Variants in RBFOX1 observed in about 807,000 individuals in gnomAD.
RBFOX1 encodes RNA binding fox-1 homolog 1, also known as RNA binding protein fox-1 homolog 1.
In RBFOX1, 8 loss-of-function variants were observed where a neutral mutation model predicts 57.7. The observed-to-expected ratio is 0.14, with a 90% CI of 0.08 to 0.25. The LOEUF (loss-of-function observed/expected upper bound fraction) is 0.25, where lower values mean the gene tolerates loss of function less well. Ranked by LOEUF, RBFOX1 falls within the 10% of genes least tolerant of loss-of-function variation. The pLI is 1.00. For missense variants in RBFOX1, 611 were observed against 548.5 expected, an observed-to-expected ratio of 1.11 and a Z score of -1.14; for synonymous variants, 326 against 222.4, an observed-to-expected ratio of 1.47 and a Z score of -4.15.
intron 1 of RBFOX1, among the ~76,000 whole-genome samples, chr16:5,330,484 C>T (rs1024968102): frequency 6.6e-6 from 1 of 152,074 alleles, no homozygotes; most frequent in African/African-American, 2.4e-5. Flanking sequence ...CTCACTGCAT[C>T]CTCCGCCTCC....
chr16:7,067,225 A>G (rs1290023988), intron 4 of RBFOX1, among the ~76,000 whole-genome samples: 1 of 152,290 alleles, frequency 6.6e-6, no homozygotes, highest in East Asian at 1.9e-4. Flanking sequence ...GAGTTCTTCC[A>G]GGCAGCCGAA....
chr16:5,645,314 A>G (rs2151341915), intron 3 of RBFOX1, among the ~76,000 whole-genome samples: 1 of 152,212 alleles, frequency 6.6e-6, no homozygotes, highest in East Asian at 1.9e-4. Context: ...GCTGCACACA[A>G]AAGGCCACAT....
intron 3 of RBFOX1, among the ~76,000 whole-genome samples, chr16:7,014,294 T>TTAAC (rs1190338271): frequency 1.2e-4 from 19 of 152,038 alleles, no homozygotes; most frequent in African/African-American, 4.6e-4. Context: ...CTCACTACAA[T>TTAAC]GTTAGCCTCC....
intron 4 of RBFOX1, among the ~76,000 whole-genome samples, chr16:7,109,742 C>A (rs1420280725): frequency 6.6e-6 from 1 of 152,080 alleles, no homozygotes; most frequent in African/African-American, 2.4e-5. Flanking sequence ...CATTCCAGAT[C>A]CAAAAAATCG....
At chr16:7,130,093 C>T (rs1247756441) in intron 4 of RBFOX1, among the ~76,000 whole-genome samples, 7 of 146,402 alleles carry the variant, frequency 4.8e-5, no homozygotes, top group Non-Finnish European at 8.9e-5. Context: ...GGTGCAATGG[C>T]GAGATCTTGG....
At chr16:6,290,139 C>T (rs968791548) in intron 1 of RBFOX1, among the ~76,000 whole-genome samples, 1 of 146,640 alleles carries the variant, frequency 6.8e-6, no homozygotes, top group Admixed American at 6.9e-5. Context: ...TTAGAAACTA[C>T]CTTTTTTATG....
chr16:6,925,036 C>A (rs944672992), intron 3 of RBFOX1, among the ~76,000 whole-genome samples: 1 of 142,746 alleles, frequency 7.0e-6, no homozygotes, highest in Non-Finnish European at 1.5e-5. Flanking sequence ...TTTATGGCTG[C>A]ATAATATTCC....
intron 4 of RBFOX1, among the ~76,000 whole-genome samples, chr16:7,107,255 G>A (rs2063782411): frequency 6.6e-6 from 1 of 152,226 alleles, no homozygotes; most frequent in Admixed American, 6.5e-5. Context: ...AGCACACTGT[G>A]AGCTGGAGAG....
chr16:5,491,875 A>C (rs2042842862), intron 2 of RBFOX1, among the ~76,000 whole-genome samples: 1 of 152,250 alleles, frequency 6.6e-6, no homozygotes, highest in African/African-American at 2.4e-5. Flanking sequence ...AGGTAACAAC[A>C]GACAAACATA....
intron 3 of RBFOX1, among the ~76,000 whole-genome samples, chr16:7,042,752 TC>T (rs943747789): frequency 1.3e-5 from 2 of 151,956 alleles, no homozygotes; most frequent in African/African-American, 4.8e-5. Flanking sequence ...ATGGCAAAAC[TC>T]CATCTCTGCT....
At chr16:5,438,858 C>T (rs1013278840) in intron 1 of RBFOX1, among the ~76,000 whole-genome samples, 4 of 151,934 alleles carry the variant, frequency 2.6e-5, no homozygotes, top group South Asian at 2.1e-4. Context: ...CACCACGAGT[C>T]GAGTAGGAGG....
chr16:6,618,929 C>T (rs902107456), intron 2 of RBFOX1, among the ~76,000 whole-genome samples: 1 of 152,112 alleles, frequency 6.6e-6, no homozygotes, highest in Non-Finnish European at 1.5e-5. Flanking sequence ...AAAACAGAGT[C>T]ATAGGGTGAA....
intron 4 of RBFOX1, among the ~76,000 whole-genome samples, chr16:5,909,319 C>G (rs1384046665): frequency 6.6e-6 from 1 of 152,124 alleles, no homozygotes; most frequent in Non-Finnish European, 1.5e-5. Context: ...GTCTCGATCT[C>G]TGGACCTCAT....
chr16:7,636,743 G>C (rs1436246897), intron 11 of RBFOX1, among the ~76,000 whole-genome samples: 1 of 152,170 alleles, frequency 6.6e-6, no homozygotes, highest in African/African-American at 2.4e-5. Context: ...TCCAAGATCA[G>C]GGTGCCAAGA....
rs770368034 is a variant in RBFOX1 at position 6,544,577 on chromosome 16, G to A, written c.-63-110026G>A. ...TATTGTTTTCTCTTAGCATTCGATC[G>A]TATTGATTCAAATGCTGTTTTCATT... On this transcript the variant is annotated intron_variant, in intron 2 of 15. Transcript: ENST00000550418. Among the ~76,000 whole-genome samples, 10 of 152,098 alleles carry A rather than the reference G, an allele frequency of 6.6e-5. 1 individual carries two copies. Among genetic ancestry groups the A allele is most frequent in the South Asian group, 4.1e-4 (2 of 4,838 alleles).
intron 4 of RBFOX1, among the ~76,000 whole-genome samples, chr16:7,420,442 T>G (rs751802556): frequency 1.3e-5 from 2 of 152,230 alleles, no homozygotes; most frequent in Non-Finnish European, 2.9e-5. Flanking sequence ...GCAGCTTTTG[T>G]GAAGGACTCC....
At chr16:5,363,642 A>C (rs1452897686) in intron 1 of RBFOX1, among the ~76,000 whole-genome samples, 1 of 152,150 alleles carries the variant, frequency 6.6e-6, no homozygotes, top group Non-Finnish European at 1.5e-5. Flanking sequence ...ACCTTGTACT[A>C]ATGAATCATG....
Position 7,359,141 on chromosome 16 carries a change from C to T in RBFOX1, c.28-159006C>T, listed in dbSNP as rs543603668. On this transcript the variant is annotated intron_variant, in intron 4 of 15. Transcript: ENST00000550418. ...AACATGTTGGCTTTGGGTCCAATTC[C>T]TAGCCATCCGTGCAAATGCTGTGTG... is the stretch of plus-strand genomic sequence containing the variant. 2.7e-4 allele frequency among the ~76,000 whole-genome samples: 41 copies of T among 152,290 alleles called. 1 individual carries two copies. Among genetic ancestry groups the T allele is most frequent in the Admixed American group, 1.6e-3 (24 of 15,308 alleles).
At chr16:7,215,832 C>G (rs1009209320) in intron 4 of RBFOX1, among the ~76,000 whole-genome samples, 6 of 150,462 alleles carry the variant, frequency 4.0e-5, no homozygotes, top group Admixed American at 2.7e-4. Flanking sequence ...TCACGCCATT[C>G]TCCTGCCTCA....
Sources: gnomAD v4.1 joint callset for allele counts (sites outside exome capture counted in the v4.1 genomes callset) on GRCh38, gnomAD v4.1.1 for gene constraint, MANE v1.5 for transcripts, NCBI Gene and HGNC (gene_info 2026-07-23, HGNC 2026-07-21) for gene names.